LIMA1: variants seen among roughly 807,000 people sequenced by gnomAD.
LIMA1 encodes LIM domain and actin binding 1, also known as LIM domain and actin-binding protein 1.
In LIMA1, 52 loss-of-function variants were observed where a neutral mutation model predicts 62.6. The ratio of observed to expected loss-of-function variants is 0.83; its 90% CI spans 0.67 to 1.05. The LOEUF (loss-of-function observed/expected upper bound fraction) is 1.05. Ranked by LOEUF, LIMA1 falls within the 50% of genes least tolerant of loss-of-function variation. The pLI, the probability that LIMA1 is intolerant of heterozygous loss-of-function variation, is 0.00. For missense variants in LIMA1, 780 were observed against 902.2 expected (o/e 0.86, Z 1.74); for synonymous variants, 302 against 317.8 (o/e 0.95, Z 0.53).
At chr12:50,237,948 T>C (rs968124286) in intron 2 of LIMA1, among the ~76,000 whole-genome samples, 2 of 152,246 alleles carry the variant, frequency 1.3e-5, no homozygotes, top group South Asian at 4.1e-4. Flanking sequence ...ATCAAAGACC[T>C]AACTATAAGA....
intron 2 of LIMA1, among the ~76,000 whole-genome samples, chr12:50,234,453 C>T (rs1467850773): frequency 6.6e-6 from 1 of 152,028 alleles, no homozygotes; most frequent in Non-Finnish European, 1.5e-5. Flanking sequence ...AAGAGATACG[C>T]CTGCTTTGGT....
intron 1 of LIMA1, among the ~76,000 whole-genome samples, chr12:50,274,408 A>T (rs1942251096): frequency 6.6e-6 from 1 of 152,128 alleles, no homozygotes; most frequent in Admixed American, 6.6e-5. Context: ...ACATGGTGAA[A>T]TCCTGTCGCT....
intron 4 of LIMA1, among the ~76,000 whole-genome samples, chr12:50,207,768 C>T (rs780696387): frequency 4.0e-4 from 60 of 151,486 alleles, no homozygotes; most frequent in African/African-American, 9.0e-4. Context: ...CATGCACCTG[C>T]GGTCCCAGCT....
chr12:50,269,069 T>C (rs1366281004), intron 1 of LIMA1, among the ~76,000 whole-genome samples: 2 of 152,186 alleles, frequency 1.3e-5, no homozygotes, highest in Non-Finnish European at 2.9e-5. Context: ...ACACACTTAC[T>C]GGGTAACATG....
At chr12:50,196,116 A>G in intron 7 of LIMA1, 1 of 459,426 alleles carries the variant, frequency 2.2e-6, no homozygotes, top group Non-Finnish European at 3.8e-6. Flanking sequence ...CCCGAGAAAC[A>G]GACTGCACTC....
chr12:50,279,358 T>C (rs1022739197), intron 1 of LIMA1, among the ~76,000 whole-genome samples: 2 of 149,842 alleles, frequency 1.3e-5, no homozygotes, highest in African/African-American at 4.9e-5. Context: ...TTTATAATAA[T>C]ATAAATATCT....
At chr12:50,248,839 C>T in intron 1 of LIMA1, 65 bp from the exon 2 acceptor site, 1 of 846,206 alleles carries the variant, frequency 1.2e-6, no homozygotes, top group African/African-American at 1.7e-5. Flanking sequence ...CAAGGATTGG[C>T]AGTGGTGTGG....
At chr12:50,197,022 T>A (rs1940943529) in intron 7 of LIMA1, among the ~76,000 whole-genome samples, 1 of 152,140 alleles carries the variant, frequency 6.6e-6, no homozygotes, top group African/African-American at 2.4e-5. Context: ...TCCCAGGATG[T>A]TCTTCTCTCA....
At chr12:50,226,016 G>T (rs934600702) in intron 3 of LIMA1, among the ~76,000 whole-genome samples, 1 of 152,018 alleles carries the variant, frequency 6.6e-6, no homozygotes, top group Non-Finnish European at 1.5e-5. Context: ...TTTTTACACT[G>T]TTACTTCTTT....
At chr12:50,185,060 AACCTTGTGATCTGCCC>A (rs1279759928) in intron 9 of LIMA1, among the ~76,000 whole-genome samples, 1 of 152,098 alleles carries the variant, frequency 6.6e-6, no homozygotes. Flanking sequence ...TCTAACTCCT[AACCTTGTGATCTGCCC>A]ACCTTGGCCT....
At chr12:50,228,547 G>C (rs1425779148) in intron 3 of LIMA1, among the ~76,000 whole-genome samples, 1 of 152,108 alleles carries the variant, frequency 6.6e-6, no homozygotes, top group South Asian at 2.1e-4. Context: ...AAACACCAAG[G>C]TGCCCCTGAG....
chr12:50,237,596 C>T (rs547438228), intron 2 of LIMA1, among the ~76,000 whole-genome samples: 2 of 151,916 alleles, frequency 1.3e-5, no homozygotes, highest in Admixed American at 1.3e-4. Flanking sequence ...GAGATCACAC[C>T]ACCGCACTCC....
Position 50,195,838 on chromosome 12 carries a change from T to C in LIMA1, c.1022A>G (p.Asp341Gly), listed in dbSNP as rs1273255544. The C allele has an allele frequency of 1.3e-6, 2 of 1,595,906 alleles. No individual in the cohort carries two copies. The highest frequency in any genetic ancestry group is 1.7e-6 in the Non-Finnish European group (2 of 1,175,306). The change falls in exon 8 of 11, where the codon GAT becomes GGT. Residue 341 changes from aspartate to glycine, a missense_variant. Transcript: ENST00000341247. ...SLAVRSTPAE[D>G]DSRDSQVKSE... ...TAAGAAAGAATGCTTACGGGAGTCA[T>C]CTTCGGCAGGGGTGGAACGGACTGC...
At chr12:50,272,319 G>T (rs1942221415) in intron 1 of LIMA1, among the ~76,000 whole-genome samples, 1 of 151,852 alleles carries the variant, frequency 6.6e-6, no homozygotes. Context: ...GCCGGGCACG[G>T]TGGCTCATTC....
At chr12:50,251,840 A>T (rs2138648007) in intron 1 of LIMA1, among the ~76,000 whole-genome samples, 1 of 152,294 alleles carries the variant, frequency 6.6e-6, no homozygotes, top group South Asian at 2.1e-4. Context: ...TCAGGGAATG[A>T]GATGACTCTC....
chr12:50,248,037 T>C (rs529450547), intron 2 of LIMA1, among the ~76,000 whole-genome samples: 75 of 152,370 alleles, frequency 4.9e-4, no homozygotes, highest in African/African-American at 1.7e-3. Flanking sequence ...GAAATGTTTC[T>C]GTGCTGTTCA....
At chr12:50,193,650 G>GTATATATA (rs1245022184) in intron 8 of LIMA1, among the ~76,000 whole-genome samples, 1 of 64,320 alleles carries the variant, frequency 1.6e-5, no homozygotes, top group African/African-American at 6.3e-5. Flanking sequence ...GTGTGTGTGT[G>GTATATATA]TATATATATA....
chr12:50,263,857 G>GAGTA (rs1255520197), intron 1 of LIMA1, among the ~76,000 whole-genome samples: 4 of 125,684 alleles, frequency 3.2e-5, no homozygotes, highest in Non-Finnish European at 6.4e-5. Context: ...TATATAGAGA[G>GAGTA]TATATATATA....
intron 9 of LIMA1, chr12:50,187,237 A>C (rs1235335282): frequency 6.6e-6 from 1 of 152,096 alleles, no homozygotes; most frequent in Non-Finnish European, 1.5e-5. Flanking sequence ...TAAAGGCCCC[A>C]GTTGTGGTGT....
Sources: allele counts gnomAD v4.1 joint callset (sites outside exome capture counted in the v4.1 genomes callset), GRCh38; gene constraint gnomAD v4.1.1; transcripts MANE v1.5; gene names NCBI Gene and HGNC (gene_info 2026-07-23, HGNC 2026-07-21).